CACNA1D: variants seen among roughly 807,000 people sequenced by gnomAD.
CACNA1D encodes the protein voltage-dependent L-type calcium channel subunit alpha-1D.
In CACNA1D, 55 loss-of-function variants were observed where a neutral mutation model predicts 257.1. That is an observed-to-expected ratio of 0.21 (90% CI 0.17 to 0.27). The LOEUF is 0.27. CACNA1D is among the 10% of genes least tolerant of loss of function. The pLI is 1.00. For missense variants in CACNA1D, 1,876 were observed against 2,784.0 expected (o/e 0.67, Z 7.34); for synonymous variants, 980 against 1,014.9 (o/e 0.97, Z 0.65).
At chr3:53,738,822 C>A (rs901279568) in intron 20 of CACNA1D, among the ~76,000 whole-genome samples, 31 of 151,870 alleles carry the variant, frequency 2.0e-4, no homozygotes, top group Non-Finnish European at 4.4e-5. Flanking sequence ...ATTTCAACTT[C>A]AGCCCTGGCG....
At position 53,712,731 on chromosome 3, in the gene CACNA1D, A is replaced by C. The variant is rs74587637; in HGVS notation, c.1391-5570A>C. Among the ~76,000 whole-genome samples, 12 of 152,166 alleles carry C rather than the reference A, an allele frequency of 7.9e-5. No homozygotes were observed. The East Asian group carries it at 2.3e-3, about 29-fold the overall frequency. ...ACCCCCTACCCTTACCTTTGAAAAG[A>C]ATGAGAAGCTTTAGGCTGCTTGGAG... On this transcript the variant is annotated intron_variant, in intron 9 of 47. Transcript: ENST00000350061.
intron 3 of CACNA1D, among the ~76,000 whole-genome samples, chr3:53,510,361 C>G (rs564204200): frequency 1.3e-5 from 2 of 152,292 alleles, no homozygotes; most frequent in African/African-American, 4.8e-5. Flanking sequence ...CTCAATAGAC[C>G]TTACAGACCT....
intron 35 of CACNA1D, 74 bp downstream of exon 35, chr3:53,776,119 T>G: frequency 2.2e-6 from 3 of 1,347,692 alleles, no homozygotes; most frequent in Non-Finnish European, 3.2e-6. Context: ...ACAAATGGCC[T>G]TGCCCTGTCC....
intron 3 of CACNA1D, among the ~76,000 whole-genome samples, chr3:53,610,523 A>G (rs1283330922): frequency 6.6e-6 from 1 of 152,046 alleles, no homozygotes; most frequent in African/African-American, 2.4e-5. Flanking sequence ...TTTGTTCTGA[A>G]ATTTATTTTG....
At chr3:53,798,498 C>T (rs2095519625) in intron 40 of CACNA1D, among the ~76,000 whole-genome samples, 1 of 152,248 alleles carries the variant, frequency 6.6e-6, no homozygotes, top group Admixed American at 6.5e-5. Flanking sequence ...CGGGACATGA[C>T]TGTCTGTCCC....
chr3:53,796,474 G>C, intron 40 of CACNA1D: 1 of 449,402 alleles, frequency 2.2e-6, no homozygotes. Context: ...GATGGCTGGT[G>C]TGTCTGATGG....
At chr3:53,747,482 G>A (rs749781302) in intron 26 of CACNA1D, 34 bp downstream of exon 26, 3 of 1,610,122 alleles carry the variant, frequency 1.9e-6, no homozygotes, top group Middle Eastern at 1.8e-4. Context: ...TTCTGGAGAG[G>A]CACCTGCGTG....
intron 3 of CACNA1D, among the ~76,000 whole-genome samples, chr3:53,524,691 A>G (rs1488706601): frequency 6.6e-6 from 1 of 152,156 alleles, no homozygotes; most frequent in Non-Finnish European, 1.5e-5. Flanking sequence ...CCATGGGCCT[A>G]AGTTTCTCTG....
chr3:53,625,480 T>G (rs1224451722), intron 3 of CACNA1D, among the ~76,000 whole-genome samples: 2 of 152,148 alleles, frequency 1.3e-5, no homozygotes, highest in African/African-American at 4.8e-5. Flanking sequence ...CTCTCAGCTG[T>G]GTGGTTGCTT....
intron 2 of CACNA1D, among the ~76,000 whole-genome samples, chr3:53,497,771 G>T (rs1375166005): frequency 6.6e-6 from 1 of 152,158 alleles, no homozygotes. Context: ...TTGGACATTA[G>T]ATGGTTAGTT....
intron 3 of CACNA1D, among the ~76,000 whole-genome samples, chr3:53,517,420 A>T (rs1223227105): frequency 6.7e-6 from 1 of 149,544 alleles, no homozygotes; most frequent in East Asian, 2.0e-4. Context: ...GCTCGACAGG[A>T]CCCTCCCTCC....
At chr3:53,702,002 C>T (rs755422896) in intron 8 of CACNA1D, among the ~76,000 whole-genome samples, 14 of 151,958 alleles carry the variant, frequency 9.2e-5, no homozygotes, top group South Asian at 2.1e-4. Flanking sequence ...CATCAGTGCT[C>T]GAGTTCCCAT....
At chr3:53,791,854 G>A (rs2095484877) in intron 40 of CACNA1D, 1 of 152,208 alleles carries the variant, frequency 6.6e-6, no homozygotes, top group African/African-American at 2.4e-5. Context: ...CTGGGAGTCA[G>A]GGAACCTGGG....
chr3:53,611,101 A>G (rs565202149), intron 3 of CACNA1D, among the ~76,000 whole-genome samples: 12 of 152,366 alleles, frequency 7.9e-5, no homozygotes, highest in African/African-American at 2.6e-4. Context: ...TCTTTTGGCC[A>G]GGAACTGTGG....
At chr3:53,746,616 A>G (rs1203366194) in intron 25 of CACNA1D, among the ~76,000 whole-genome samples, 1 of 152,196 alleles carries the variant, frequency 6.6e-6, no homozygotes, top group Non-Finnish European at 1.5e-5. Context: ...AGAGAGCACC[A>G]ATTGCAATTT....
chr3:53,558,146 T>G lies in CACNA1D; in HGVS notation c.483+56426T>G, dbSNP rs79554204. ...AGTCATGGTCAAAATGTTTATATGTTTATATACTGCATTCAGTTTGCTAGC... is the reference window on the plus strand; with the variant it reads ...AGTCATGGTCAAAATGTTTATATGTGTATATACTGCATTCAGTTTGCTAGC... On this transcript the variant is annotated intron_variant, in intron 3 of 47. Transcript: ENST00000350061. 2.6e-5 allele frequency among the ~76,000 whole-genome samples: 4 copies of G among 152,342 alleles called. No homozygotes were observed. In the East Asian group the frequency reaches 7.7e-4, roughly 29 times the overall value.
chr3:53,673,888 G>C lies in CACNA1D; in HGVS notation c.1220+762G>C, dbSNP rs748697657. 32 of 919,242 alleles carry C rather than the reference G, an allele frequency of 3.5e-5. No homozygotes were observed. The highest frequency in any genetic ancestry group is 5.7e-5 in the Non-Finnish European group (31 of 546,398). The allele number at this position is 919,242 out of a possible 1,614,324, so 56.9% of individuals were successfully genotyped here. On this transcript the variant is annotated intron_variant, in intron 8 of 47. Coordinates refer to ENST00000350061, the MANE Select transcript of CACNA1D (RefSeq NM_001128840.3). This position sits in a 1 kb window ranked among gnomAD's most constrained non-coding sequence, Gnocchi z 4.1. ...AGGCAACTCTGCGTGTCTCCTAGCTGCTCCCTGACAGCTTCTCTGCATGTG... is the reference window on the plus strand; with the variant it reads ...AGGCAACTCTGCGTGTCTCCTAGCTCCTCCCTGACAGCTTCTCTGCATGTG...
chr3:53,746,095 A>G (rs2095166489), intron 25 of CACNA1D, among the ~76,000 whole-genome samples: 2 of 152,030 alleles, frequency 1.3e-5, no homozygotes, highest in South Asian at 2.1e-4. Flanking sequence ...TATCCATGGC[A>G]TTGTTGTGCA....
rs137961296 is a variant in CACNA1D, at chr3:53,660,157, A to G, written c.648A>G (p.Gln216=). ...GATTGTTTAGTGTAATTTTGGAACA[A>G]TTAACCAAAGAAACAGAAGGCGGGA... ...IVGLFSVILE[Q]LTKETEGGNH... The change falls in exon 5 of 48, where the codon CAA becomes CAG. Residue 216 remains glutamine (Q), a synonymous_variant. Transcript: ENST00000350061. 3.8e-5 allele frequency: 61 copies of G among 1,613,902 alleles called. No individual in the cohort carries two copies. The highest frequency in any genetic ancestry group is 5.1e-5 in the Non-Finnish European group (60 of 1,179,884).
Sources: allele counts gnomAD v4.1 joint callset (sites outside exome capture counted in the v4.1 genomes callset), GRCh38; gene constraint gnomAD v4.1.1; non-coding constraint Gnocchi (gnomAD v3.1); transcripts MANE v1.5; gene names NCBI Gene and HGNC (gene_info 2026-07-23, HGNC 2026-07-21).